CELF4: variants seen among roughly 807,000 people sequenced by gnomAD.
The protein encoded by CELF4 is CUGBP Elav-like family member 4.
Under a neutral mutation model 59.9 loss-of-function variants are expected in CELF4, and 18 were observed. The ratio of observed to expected loss-of-function variants is 0.30; its 90% CI spans 0.21 to 0.45. The LOEUF is 0.45. CELF4 is among the 20% of genes least tolerant of loss of function. The pLI is 1.00. For missense variants in CELF4, 456 were observed against 689.0 expected (o/e 0.66, Z 3.79); for synonymous variants, 261 against 267.1 (o/e 0.98, Z 0.22).
intron 1 of CELF4, among the ~76,000 whole-genome samples, chr18:37,533,396 C>T (rs1219355623): frequency 6.6e-6 from 1 of 152,152 alleles, no homozygotes. Context: ...AATGTCTTGG[C>T]CCCTCAACCT....
intron 7 of CELF4, 41 bp from the exon 8 acceptor site, chr18:37,270,958 C>G: frequency 6.5e-7 from 1 of 1,536,476 alleles, no homozygotes; most frequent in Non-Finnish European, 8.8e-7. Flanking sequence ...GGAGGGGAGG[C>G]AAGCAGAACA....
At chr18:37,257,084 A>G (rs971435301) in intron 11 of CELF4, among the ~76,000 whole-genome samples, 1 of 150,058 alleles carries the variant, frequency 6.7e-6, no homozygotes, top group African/African-American at 2.5e-5. Context: ...CTAATTAGAG[A>G]GAAAAAAAAA....
intron 3 of CELF4, among the ~76,000 whole-genome samples, chr18:37,287,044 G>T (rs1394100092): frequency 6.6e-6 from 1 of 152,170 alleles, no homozygotes; most frequent in Non-Finnish European, 1.5e-5. Flanking sequence ...AGGTGTCTTA[G>T]ATCTCATGGG....
At chr18:37,467,429 C>T (rs925967842) in intron 2 of CELF4, among the ~76,000 whole-genome samples, 7 of 152,096 alleles carry the variant, frequency 4.6e-5, no homozygotes, top group South Asian at 2.1e-4. Flanking sequence ...TTTTGGACAC[C>T]GCCAGAAGAA....
chr18:37,359,705 T>C (rs1050071646), intron 2 of CELF4, among the ~76,000 whole-genome samples: 1 of 152,194 alleles, frequency 6.6e-6, no homozygotes, highest in Non-Finnish European at 1.5e-5. Flanking sequence ...CGTGCCAACA[T>C]GCCCAGCTAA....
chr18:37,347,923 CGA>C lies in CELF4; in HGVS notation c.370-26044_370-26043del, dbSNP rs1346624225. On this transcript the variant is annotated intron_variant, in intron 2 of 12. Coordinates refer to ENST00000420428, the MANE Select transcript of CELF4 (RefSeq NM_020180.4). Reference sequence around the variant, plus strand: ...GAGGGCTCCCCTTTATTTTCTTCTTCGAGAGAGATACCTCCCACGTTCCCAGC... The same window carrying C: ...GAGGGCTCCCCTTTATTTTCTTCTTCGAGAGATACCTCCCACGTTCCCAGC... Among the ~76,000 whole-genome samples, 505 of 152,250 alleles carry C rather than the reference CGA, an allele frequency of 3.3e-3. 4 individuals carry two copies. Among genetic ancestry groups the C allele is most frequent in the African/African-American group, 0.011 (467 of 41,560 alleles).
At chr18:37,291,174 G>T (rs984524618) in intron 3 of CELF4, among the ~76,000 whole-genome samples, 3 of 152,176 alleles carry the variant, frequency 2.0e-5, no homozygotes, top group Admixed American at 2.0e-4. Flanking sequence ...CTCCCAAAGT[G>T]CTGGGATTAC....
At chr18:37,325,639 A>C (rs1280187044) in intron 2 of CELF4, among the ~76,000 whole-genome samples, 8 of 152,184 alleles carry the variant, frequency 5.3e-5, no homozygotes, top group Admixed American at 3.9e-4. Context: ...CCCCTCACAC[A>C]CAGGCCCCTC....
chr18:37,288,798 G>A (rs1184942320), intron 3 of CELF4, among the ~76,000 whole-genome samples: 8 of 152,142 alleles, frequency 5.3e-5, no homozygotes, highest in African/African-American at 1.9e-4. Context: ...ATTTTGAAGG[G>A]TGGCAACATA....
chr18:37,380,745 CA>C (rs1417563615), intron 2 of CELF4, among the ~76,000 whole-genome samples: 1 of 148,038 alleles, frequency 6.8e-6, no homozygotes, highest in Admixed American at 6.7e-5. Context: ...TCCAGTCATC[CA>C]TCCATCCATC....
At chr18:37,493,850 GAGA>G (rs892015056) in intron 1 of CELF4, among the ~76,000 whole-genome samples, 1 of 152,202 alleles carries the variant, frequency 6.6e-6, no homozygotes, top group Non-Finnish European at 1.5e-5. Context: ...AGAAACTCCA[GAGA>G]AGAACATGGC....
At chr18:37,529,507 C>T (rs1024011353) in intron 1 of CELF4, among the ~76,000 whole-genome samples, 2 of 152,218 alleles carry the variant, frequency 1.3e-5, no homozygotes, top group African/African-American at 4.8e-5. Context: ...TCAGCACCAG[C>T]TCCCAAATGG....
chr18:37,308,470 C>T (rs933682329), intron 3 of CELF4, among the ~76,000 whole-genome samples: 3 of 152,214 alleles, frequency 2.0e-5, no homozygotes, highest in Non-Finnish European at 4.4e-5. Context: ...ACCCCTCTGC[C>T]ATGCAGGATG....
intron 2 of CELF4, among the ~76,000 whole-genome samples, chr18:37,464,706 A>G (rs2099803186): frequency 6.6e-6 from 1 of 152,084 alleles, no homozygotes; most frequent in South Asian, 2.1e-4. Flanking sequence ...CAGGGGAGGC[A>G]TCTCACAGAT....
chr18:37,339,757 A>C (rs1292260074), intron 2 of CELF4, among the ~76,000 whole-genome samples: 1 of 151,522 alleles, frequency 6.6e-6, no homozygotes, highest in Non-Finnish European at 1.5e-5. Flanking sequence ...CTGTCTCAAA[A>C]AAAAAAAAAA....
intron 10 of CELF4, among the ~76,000 whole-genome samples, chr18:37,262,321 C>T (rs952487446): frequency 1.8e-4 from 28 of 152,262 alleles, no homozygotes; most frequent in Middle Eastern, 3.4e-3. Flanking sequence ...AGCAGCAGAT[C>T]CTGCCACCCC....
At chr18:37,466,024 T>G (rs1371390672) in intron 2 of CELF4, among the ~76,000 whole-genome samples, 1 of 152,204 alleles carries the variant, frequency 6.6e-6, no homozygotes, top group Admixed American at 6.5e-5. Flanking sequence ...GTGGACCACA[T>G]TTAACCGGGT....
intron 1 of CELF4, among the ~76,000 whole-genome samples, chr18:37,547,400 C>T (rs548977935): frequency 6.6e-6 from 1 of 152,304 alleles, no homozygotes; most frequent in African/African-American, 2.4e-5. Flanking sequence ...TGCTCCTCTC[C>T]TTCCTTCCCA....
At chr18:37,466,951 A>G (rs983331628) in intron 2 of CELF4, among the ~76,000 whole-genome samples, 8 of 152,120 alleles carry the variant, frequency 5.3e-5, no homozygotes. Flanking sequence ...GTGGAGCCAC[A>G]TGCTCACGGG....
Sources: gnomAD v4.1 joint callset for allele counts (sites outside exome capture counted in the v4.1 genomes callset) on GRCh38, gnomAD v4.1.1 for gene constraint, MANE v1.5 for transcripts, NCBI Gene and HGNC (gene_info 2026-07-23, HGNC 2026-07-21) for gene names.